The following CDH13 variants were observed in gnomAD, a reference collection of about 807,000 sequenced individuals.
CDH13 encodes cadherin 13, also known as cadherin-13.
In CDH13, 24 loss-of-function variants were observed where a neutral mutation model predicts 63.8. The observed-to-expected ratio is 0.38, with a 90% CI of 0.27 to 0.53. CDH13 has a LOEUF of 0.53. Among genes scored for constraint, CDH13 ranks in the 20% least tolerant of loss-of-function variants. The pLI is 0.85. For synonymous variants in CDH13, 503 were observed against 355.3 expected (o/e 1.42, Z -4.67); for missense variants, 1,049 against 903.1 (o/e 1.16, Z -2.07).
rs1345510975 is a variant in CDH13, at chr16:83,797,258, G to A, written c.*2228G>A. 6 of 152,234 alleles carry A rather than the reference G, an allele frequency of 3.9e-5. No homozygotes were observed. The highest frequency in any genetic ancestry group is 1.4e-4 in the African/African-American group (6 of 41,438). The allele number at this position is 152,234 out of a possible 1,614,324, so 9.4% of individuals were successfully genotyped here. A position where few individuals can be genotyped will look rare whatever the true frequency, so the allele number is the denominator to read the frequency against. ...CAATGTAAACTTCAGCCACATGCAG[G>A]GAGAAACACAGCAGCTGAGTGGCCA... On this transcript the variant is annotated 3_prime_UTR_variant, in exon 14 of 14. Transcript: ENST00000567109.
intron 1 of CDH13, among the ~76,000 whole-genome samples, chr16:82,716,666 GT>G (rs775153503): frequency 1.3e-4 from 19 of 149,834 alleles, no homozygotes; most frequent in Non-Finnish European, 2.8e-4. Context: ...GGGAGAGTGG[GT>G]ATTAAGGGGG....
chr16:83,229,579 T>C (rs1424481165), intron 5 of CDH13, among the ~76,000 whole-genome samples: 1 of 152,206 alleles, frequency 6.6e-6, no homozygotes, highest in Admixed American at 6.5e-5. Flanking sequence ...AGCTGTTGAT[T>C]TCTTTGATTG....
chr16:82,862,419 A>T (rs1028290327), intron 2 of CDH13, among the ~76,000 whole-genome samples: 1 of 152,224 alleles, frequency 6.6e-6, no homozygotes, highest in Non-Finnish European at 1.5e-5. Context: ...TTTCCAGCAA[A>T]TGGAAAAATG....
chr16:82,733,133 A>C (rs577110531), intron 1 of CDH13, among the ~76,000 whole-genome samples: 1 of 152,320 alleles, frequency 6.6e-6, no homozygotes, highest in East Asian at 1.9e-4. Flanking sequence ...TTGCTATCCA[A>C]CTGGATGCCC....
At chr16:83,712,915 A>G (rs1375078675) in intron 10 of CDH13, among the ~76,000 whole-genome samples, 1 of 152,242 alleles carries the variant, frequency 6.6e-6, no homozygotes, top group East Asian at 1.9e-4. Context: ...TTAAAGTAGT[A>G]AAAATGTTCC....
intron 2 of CDH13, among the ~76,000 whole-genome samples, chr16:82,936,142 A>G (rs922949116): frequency 6.6e-6 from 1 of 152,170 alleles, no homozygotes; most frequent in Non-Finnish European, 1.5e-5. Context: ...CGGAGCTGCC[A>G]TCTTGAACAT....
intron 2 of CDH13, among the ~76,000 whole-genome samples, chr16:82,936,390 A>G (rs1435667731): frequency 6.6e-6 from 1 of 152,124 alleles, no homozygotes; most frequent in East Asian, 1.9e-4. Context: ...CCAGGGATCT[A>G]GATTGTGTGC....
At chr16:83,379,006 T>TATATATACAC (rs540642910) in intron 6 of CDH13, among the ~76,000 whole-genome samples, 93 of 149,026 alleles carry the variant, frequency 6.2e-4, no homozygotes, top group Non-Finnish European at 8.6e-4. Flanking sequence ...TATATATATA[T>TATATATACAC]ACACACACAC....
At chr16:83,119,129 C>T (rs79747100) in intron 3 of CDH13, among the ~76,000 whole-genome samples, 2,827 of 152,290 alleles carry the variant, frequency 0.019, 61 homozygotes, top group African/African-American at 0.053. Context: ...GAGGAGACCT[C>T]TGCCTTGTGT....
chr16:83,530,576 AC>A (rs2075061103), intron 7 of CDH13, among the ~76,000 whole-genome samples: 1 of 152,134 alleles, frequency 6.6e-6, no homozygotes, highest in Non-Finnish European at 1.5e-5. Context: ...TCCTTCTATA[AC>A]CCAGCACCCA....
At chr16:83,264,972 T>G (rs1350238284) in intron 5 of CDH13, among the ~76,000 whole-genome samples, 1 of 152,206 alleles carries the variant, frequency 6.6e-6, no homozygotes, top group Non-Finnish European at 1.5e-5. Flanking sequence ...TCTGATAGAA[T>G]TTTCTTTGTC....
intron 2 of CDH13, among the ~76,000 whole-genome samples, chr16:83,010,195 C>G (rs1914002901): frequency 7.0e-6 from 1 of 143,352 alleles, no homozygotes. Context: ...CAAAAATCTG[C>G]ATTTCTAACA....
chr16:83,054,557 G>C (rs1419987481), intron 3 of CDH13, among the ~76,000 whole-genome samples: 2 of 151,730 alleles, frequency 1.3e-5, no homozygotes, highest in Non-Finnish European at 2.9e-5. Context: ...ACTCAGAATG[G>C]CTCAGAATTT....
intron 2 of CDH13, among the ~76,000 whole-genome samples, chr16:83,031,040 C>T (rs1376067954): frequency 6.6e-6 from 1 of 151,156 alleles, no homozygotes; most frequent in Non-Finnish European, 1.5e-5. Flanking sequence ...AAAATGTGGC[C>T]CACTAGAATT....
intron 8 of CDH13, among the ~76,000 whole-genome samples, chr16:83,667,528 G>C (rs780249553): frequency 6.6e-6 from 1 of 152,088 alleles, no homozygotes; most frequent in South Asian, 2.1e-4. Context: ...GTTGGGCACT[G>C]TGCTGTTTAC....
intron 6 of CDH13, among the ~76,000 whole-genome samples, chr16:83,474,724 G>A (rs562641539): frequency 1.1e-4 from 17 of 152,330 alleles, no homozygotes; most frequent in Admixed American, 3.3e-4. Flanking sequence ...CTGGGAGCCC[G>A]AGGAATAAAC....
chr16:83,233,695 C>G (rs1449214116), intron 5 of CDH13, among the ~76,000 whole-genome samples: 2 of 152,220 alleles, frequency 1.3e-5, no homozygotes, highest in African/African-American at 4.8e-5. Context: ...ATTCTCCCAT[C>G]CCCAGCCCTC....
At chr16:83,572,175 G>GTTTTGTGTGTGTGTGTGTGTGT (rs145519267) in intron 7 of CDH13, among the ~76,000 whole-genome samples, 2 of 145,586 alleles carry the variant, frequency 1.4e-5, no homozygotes, top group African/African-American at 2.6e-5. Context: ...ACTTTCCTGT[G>GTTTTGTGTGTGTGTGTGTGTGT]GTGTGTGTGT....
intron 1 of CDH13, among the ~76,000 whole-genome samples, chr16:82,751,039 ATCC>A (rs1282882432): frequency 3.3e-5 from 5 of 152,204 alleles, no homozygotes; most frequent in African/African-American, 1.2e-4. Flanking sequence ...GGCTTCTACC[ATCC>A]TCCTCCTTCC....
Sources: allele counts gnomAD v4.1 joint callset (sites outside exome capture counted in the v4.1 genomes callset), GRCh38; gene constraint gnomAD v4.1.1; transcripts MANE v1.5; gene names NCBI Gene and HGNC (gene_info 2026-07-23, HGNC 2026-07-21).